DAPK1: variants seen among roughly 807,000 people sequenced by gnomAD.
DAPK1 encodes death associated protein kinase 1.
DAPK1 carries 56 observed loss-of-function variants against 144.9 expected under a neutral mutation model. The observed-to-expected ratio is 0.39, with a 90% CI of 0.31 to 0.48. DAPK1 has a LOEUF of 0.48. Ranked by LOEUF, DAPK1 falls within the 20% of genes least tolerant of loss-of-function variation. The pLI, the probability that DAPK1 is intolerant of heterozygous loss-of-function variation, is 0.95. For missense variants in DAPK1, 1,454 were observed against 1,875.4 expected (o/e 0.78, Z 4.15); for synonymous variants, 690 against 749.0 (o/e 0.92, Z 1.29).
intron 2 of DAPK1, 40 bp from the exon 3 acceptor site, chr9:87,604,914 T>A: frequency 6.3e-7 from 1 of 1,593,580 alleles, no homozygotes; most frequent in Non-Finnish European, 8.6e-7. Flanking sequence ...ATCCTGTTTT[T>A]TTTATGAACG....
At chr9:87,520,799 A>G (rs1402237909) in intron 2 of DAPK1, among the ~76,000 whole-genome samples, 3 of 152,238 alleles carry the variant, frequency 2.0e-5, no homozygotes, top group Non-Finnish European at 4.4e-5. Context: ...ATAGGTATAT[A>G]TACATACTCA....
In DAPK1 at chr9:87,650,086, G is replaced by C. The variant is rs370724837; in HGVS notation, c.1594G>C (p.Glu532Gln). The C allele has an allele frequency of 6.2e-7, 1 of 1,614,006 alleles. No homozygotes were observed. The highest frequency in any genetic ancestry group is 8.5e-7 in the Non-Finnish European group (1 of 1,180,042). Residue 532 changes from glutamate (E) to glutamine (Q), a missense_variant, in exon 16 of 26, where the codon GAA (glutamate) becomes CAA (glutamine). By Grantham distance (29) the Glu-to-Gln change is conservative (BLOSUM62 2). Coordinates refer to ENST00000408954, the MANE Select transcript of DAPK1 (RefSeq NM_004938.4). ...GYHDIVECLA[E>Q]HGADLNACDK... is the part of the protein sequence containing the mutation. ...CCACGACATCGTGGAGTGTCTGGCCGAACATGGAGCCGACCTTAATGCTTG... is the reference window on the plus strand; with the variant it reads ...CCACGACATCGTGGAGTGTCTGGCCCAACATGGAGCCGACCTTAATGCTTG...
At chr9:87,555,144 A>C (rs1826658319) in intron 2 of DAPK1, among the ~76,000 whole-genome samples, 1 of 152,236 alleles carries the variant, frequency 6.6e-6, no homozygotes, top group African/African-American at 2.4e-5. Context: ...TTGGGGGTTT[A>C]CATAACATCC....
intron 21 of DAPK1, among the ~76,000 whole-genome samples, chr9:87,689,535 C>G (rs61211840): frequency 0.056 from 8,525 of 152,182 alleles, 611 homozygotes; most frequent in African/African-American, 0.15. Context: ...TCTAAGTTGT[C>G]TATTTTTGTT....
At position 87,681,645 on chromosome 9, in the gene DAPK1, G is replaced by T; in HGVS notation, c.2224+19G>T. On this transcript the variant is annotated intron_variant, in intron 20 of 25. Transcript: ENST00000408954. ...CCCACAGGTAGGAACCTCCATGCTG[G>T]CCCCGTCTCTCCAGCAGGTGTTGGC... 6 of 1,250,614 alleles carry T rather than the reference G, an allele frequency of 4.8e-6. No homozygotes were observed. The highest frequency in any genetic ancestry group is 4.7e-6 in the Non-Finnish European group (4 of 849,816). 77.5% of individuals were successfully genotyped at this position (1,250,614 alleles called of 1,614,324 possible). A position where few individuals can be genotyped will look rare whatever the true frequency, so the allele number is the denominator to read the frequency against.
At chr9:87,517,444 C>A (rs540485982) in intron 2 of DAPK1, among the ~76,000 whole-genome samples, 6 of 152,114 alleles carry the variant, frequency 3.9e-5, no homozygotes, top group African/African-American at 2.4e-5. Context: ...TTCTCTCCCC[C>A]ACCTCTCTCT....
chr9:87,633,258 TGAAG>T (rs1829777122), intron 3 of DAPK1: 2 of 983,982 alleles, frequency 2.0e-6, no homozygotes, highest in Non-Finnish European at 1.2e-6. Flanking sequence ...TATGTAGAAA[TGAAG>T]GAAATGTAGG....
At chr9:87,563,629 A>T (rs927236247) in intron 2 of DAPK1, among the ~76,000 whole-genome samples, 2 of 152,154 alleles carry the variant, frequency 1.3e-5, no homozygotes, top group Non-Finnish European at 2.9e-5. Flanking sequence ...AGCCTCCTGG[A>T]GGATAAGAGG....
At chr9:87,585,694 A>C (rs1001946381) in intron 2 of DAPK1, among the ~76,000 whole-genome samples, 1 of 152,186 alleles carries the variant, frequency 6.6e-6, no homozygotes, top group Non-Finnish European at 1.5e-5. Context: ...TAATTAAGCT[A>C]TGTCCTAGTT....
intron 20 of DAPK1, among the ~76,000 whole-genome samples, chr9:87,682,766 G>A (rs1824685101): frequency 1.3e-5 from 2 of 152,272 alleles, no homozygotes; most frequent in African/African-American, 2.4e-5. Context: ...TTTAATCCAA[G>A]TGACAGCTTC....
At chr9:87,679,031 T>TA (rs1824505695) in intron 19 of DAPK1, among the ~76,000 whole-genome samples, 1 of 152,002 alleles carries the variant, frequency 6.6e-6, no homozygotes, top group African/African-American at 2.4e-5. Flanking sequence ...AGATCAGAAG[T>TA]AAGTGAGCGC....
At chr9:87,630,824 G>A (rs889001239) in intron 3 of DAPK1, among the ~76,000 whole-genome samples, 4 of 152,160 alleles carry the variant, frequency 2.6e-5, no homozygotes, top group African/African-American at 7.2e-5. Context: ...AGGATGAACA[G>A]AGTCTTGTTA....
In DAPK1 at chr9:87,639,441, G is replaced by C; in HGVS notation, c.511G>C (p.Gly171Arg). 6.2e-7 allele frequency: 1 copy of C among 1,613,220 alleles called. No homozygotes were observed. The highest frequency in any genetic ancestry group is 8.5e-7 in the Non-Finnish European group (1 of 1,179,844). Residue 171 changes from glycine (G) to arginine (R), a missense_variant, in exon 5 of 26, where the codon GGA becomes CGA. By Grantham distance (125) the Gly-to-Arg change is moderately radical. This residue lies in a region of DAPK1 where 429 missense variants were observed against 637.5 expected (regional missense o/e 0.67). Coordinates refer to ENST00000408954, the MANE Select transcript of DAPK1 (RefSeq NM_004938.4). ...TGGGTTGGCCCATAAAATTGACTTT[G>C]GAAATGAATTTAAAAACATATTTGG... ...DFGLAHKIDF[G>R]NEFKNIFGTP... is the part of the protein sequence containing the mutation.
chr9:87,701,195 T>A (rs1230100627), intron 24 of DAPK1, among the ~76,000 whole-genome samples: 6 of 152,148 alleles, frequency 3.9e-5, no homozygotes, highest in Admixed American at 1.3e-4. Context: ...TTTAATGGGG[T>A]AAAGATTATT....
intron 3 of DAPK1, among the ~76,000 whole-genome samples, chr9:87,606,055 A>T (rs1207286324): frequency 6.6e-6 from 1 of 152,232 alleles, no homozygotes; most frequent in Non-Finnish European, 1.5e-5. Flanking sequence ...GGCTCCATCC[A>T]TTGAATTCAG....
At chr9:87,518,775 TG>T (rs1478552852) in intron 2 of DAPK1, among the ~76,000 whole-genome samples, 1 of 152,168 alleles carries the variant, frequency 6.6e-6, no homozygotes, top group African/African-American at 2.4e-5. Context: ...CACAGCTATG[TG>T]GGTATCCATG....
At chr9:87,656,299 T>C (rs964182944) in intron 17 of DAPK1, among the ~76,000 whole-genome samples, 1 of 152,120 alleles carries the variant, frequency 6.6e-6, no homozygotes, top group African/African-American at 2.4e-5. Flanking sequence ...GGTCCAGGTG[T>C]GGCAGACCTG....
chr9:87,498,859 C>T (rs1308701009), intron 1 of DAPK1, 111 bp from the exon 2 acceptor site: 2 of 519,490 alleles, frequency 3.8e-6, no homozygotes, highest in Non-Finnish European at 7.0e-6. Context: ...CGAGGAGGGG[C>T]AGCTCCGGAG....
At chr9:87,597,812 C>T (rs1361370213) in intron 2 of DAPK1, among the ~76,000 whole-genome samples, 2 of 152,136 alleles carry the variant, frequency 1.3e-5, no homozygotes, top group African/African-American at 4.8e-5. Flanking sequence ...TCTTTGATGC[C>T]TTCCTGCCTC....
Sources: gnomAD v4.1 joint callset for allele counts (sites outside exome capture counted in the v4.1 genomes callset) on GRCh38, gnomAD v4.1.1 for gene constraint, gnomAD v4.1.1 regional missense constraint, MANE v1.5 for transcripts, NCBI Gene and HGNC (gene_info 2026-07-23, HGNC 2026-07-21) for gene names.